SYNPR: variants seen among roughly 807,000 people sequenced by gnomAD.
SYNPR encodes synaptoporin.
In SYNPR, 23 loss-of-function variants were observed where a neutral mutation model predicts 32.9. The observed-to-expected ratio is 0.70, with a 90% CI of 0.50 to 0.99. The LOEUF is 0.99. SYNPR is among the 50% of genes least tolerant of loss of function. The probability of loss-of-function intolerance (pLI) is 0.00; values close to 1 mark genes in which losing one functional copy is unlikely to be tolerated. For missense variants in SYNPR, 318 were observed against 349.3 expected, an observed-to-expected ratio of 0.91 and a Z score of 0.71; for synonymous variants, 146 against 135.9, an observed-to-expected ratio of 1.07 and a Z score of -0.52.
At chr3:63,481,310 T>A (rs1701042919) in intron 3 of SYNPR, among the ~76,000 whole-genome samples, 1 of 152,196 alleles carries the variant, frequency 6.6e-6, no homozygotes, top group Admixed American at 6.5e-5. Flanking sequence ...TAATGCACAT[T>A]TTGAAATCAA....
chr3:63,520,996 T>G (rs932251357), intron 3 of SYNPR, among the ~76,000 whole-genome samples: 30 of 152,114 alleles, frequency 2.0e-4, no homozygotes, highest in African/African-American at 7.0e-4. Flanking sequence ...ACATTTTCAG[T>G]TAAAGGAGAA....
chr3:63,527,744 C>T (rs1457715661), intron 3 of SYNPR, among the ~76,000 whole-genome samples: 1 of 152,170 alleles, frequency 6.6e-6, no homozygotes, highest in Admixed American at 6.5e-5. Context: ...CAGCAACCCC[C>T]TGATGGGTAA....
chr3:63,430,046 AT>A (rs930667846), intron 2 of SYNPR, among the ~76,000 whole-genome samples: 3 of 151,592 alleles, frequency 2.0e-5, no homozygotes, highest in Non-Finnish European at 4.4e-5. Context: ...CCTTCGTCTG[AT>A]TTTTTTTTCT....
intron 2 of SYNPR, among the ~76,000 whole-genome samples, chr3:63,441,824 A>G (rs1182674241): frequency 6.6e-6 from 1 of 152,170 alleles, no homozygotes; most frequent in East Asian, 1.9e-4. Flanking sequence ...GGAGAGAGGG[A>G]GCTGGACTCC....
chr3:63,309,949 C>T lies in SYNPR; in HGVS notation c.84+31207C>T, dbSNP rs556253833. Among the ~76,000 whole-genome samples the T allele has an allele frequency of 5.9e-5, 9 of 151,990 alleles. No homozygotes were observed. The South Asian group carries it at 6.2e-4, about 10-fold the overall frequency. On this transcript the variant is annotated intron_variant, in intron 2 of 5. Transcript: ENST00000478300. ...CTGCCTGCTTTGTGGGTGTCTGAGACGGTATTTGCATGACAACAGACTGTA... is the reference window on the plus strand; with the variant it reads ...CTGCCTGCTTTGTGGGTGTCTGAGATGGTATTTGCATGACAACAGACTGTA...
At chr3:63,487,235 C>T (rs530345927) in intron 3 of SYNPR, among the ~76,000 whole-genome samples, 1 of 152,138 alleles carries the variant, frequency 6.6e-6, no homozygotes, top group East Asian at 1.9e-4. Flanking sequence ...TGTAGTGTAG[C>T]TTGGACTCTA....
chr3:63,232,691 C>T (rs2086175440), intron 1 of SYNPR, among the ~76,000 whole-genome samples: 2 of 152,154 alleles, frequency 1.3e-5, no homozygotes, highest in African/African-American at 4.8e-5. Flanking sequence ...CTAGCTACCT[C>T]TCAGAGCTCA....
At chr3:63,417,511 T>A (rs990835401) in intron 2 of SYNPR, among the ~76,000 whole-genome samples, 1 of 152,230 alleles carries the variant, frequency 6.6e-6, no homozygotes, top group Non-Finnish European at 1.5e-5. Context: ...GGCAGTGGCC[T>A]AGTAGGGACT....
chr3:63,251,103 C>G (rs554960602), intron 1 of SYNPR, among the ~76,000 whole-genome samples: 9 of 152,004 alleles, frequency 5.9e-5, no homozygotes, highest in Admixed American at 4.6e-4. Context: ...CTTTGTACTA[C>G]TGGGTACATT....
At chr3:63,369,781 C>A (rs1489296134) in intron 2 of SYNPR, among the ~76,000 whole-genome samples, 1 of 152,188 alleles carries the variant, frequency 6.6e-6, no homozygotes, top group Non-Finnish European at 1.5e-5. Flanking sequence ...AACAATCAAT[C>A]AGCTAATACC....
intron 2 of SYNPR, among the ~76,000 whole-genome samples, chr3:63,463,520 C>T (rs1700624368): frequency 6.6e-6 from 1 of 152,146 alleles, no homozygotes; most frequent in Admixed American, 6.5e-5. Flanking sequence ...CATAGTCCAT[C>T]ACCAGTTGTG....
intron 2 of SYNPR, among the ~76,000 whole-genome samples, chr3:63,415,310 C>T (rs1322187692): frequency 8.5e-5 from 13 of 152,118 alleles, no homozygotes; most frequent in Non-Finnish European, 2.9e-5. Context: ...TAGGCAAATG[C>T]CATAAATTAA....
chr3:63,229,563 C>G (rs905773862), intron 1 of SYNPR, among the ~76,000 whole-genome samples: 1 of 152,118 alleles, frequency 6.6e-6, no homozygotes, highest in Non-Finnish European at 1.5e-5. Context: ...GAAGTGTAAA[C>G]TGTGTTAATA....
At chr3:63,351,164 A>C (rs2087501851) in intron 2 of SYNPR, among the ~76,000 whole-genome samples, 1 of 152,204 alleles carries the variant, frequency 6.6e-6, no homozygotes, top group East Asian at 1.9e-4. Flanking sequence ...ATTCTGAGTG[A>C]TCCGCCCAAT....
At chr3:63,588,171 T>C (rs76294536) in intron 4 of SYNPR, among the ~76,000 whole-genome samples, 3,042 of 152,238 alleles carry the variant, frequency 0.02, 118 homozygotes, top group African/African-American at 0.069. Context: ...TATATACATA[T>C]ATGAATTTCA....
intron 3 of SYNPR, among the ~76,000 whole-genome samples, chr3:63,541,686 C>T (rs763853624): frequency 3.8e-4 from 58 of 152,120 alleles, no homozygotes; most frequent in Non-Finnish European, 5.6e-4. Context: ...TCATATTCCT[C>T]GGCTTGAAAT....
intron 3 of SYNPR, among the ~76,000 whole-genome samples, chr3:63,518,784 A>G (rs1323660376): frequency 6.6e-6 from 1 of 152,128 alleles, no homozygotes; most frequent in African/African-American, 2.4e-5. Context: ...AGATAGTGAA[A>G]TTCAGGGGGA....
At chr3:63,457,424 G>T (rs1277699340) in intron 2 of SYNPR, among the ~76,000 whole-genome samples, 1 of 151,566 alleles carries the variant, frequency 6.6e-6, no homozygotes, top group Non-Finnish European at 1.5e-5. Flanking sequence ...AACTTTCTAG[G>T]ATATTTATGT....
intron 3 of SYNPR, among the ~76,000 whole-genome samples, chr3:63,523,237 C>G (rs2106776146): frequency 6.6e-6 from 1 of 152,252 alleles, no homozygotes; most frequent in South Asian, 2.1e-4. Flanking sequence ...GAGAAGGGTG[C>G]TGGATGCTTC....
Sources: allele counts gnomAD v4.1 joint callset (sites outside exome capture counted in the v4.1 genomes callset), GRCh38; gene constraint gnomAD v4.1.1; transcripts MANE v1.5; gene names NCBI Gene and HGNC (gene_info 2026-07-23, HGNC 2026-07-21).